Variants in USP7 observed in about 807,000 individuals in gnomAD.
The protein encoded by USP7 is ubiquitin C-terminal hydrolase 7.
A neutral mutation model predicts 162.9 loss-of-function variants in USP7; 9 were observed. The observed-to-expected ratio is 0.06, with a 90% CI of 0.03 to 0.10. The LOEUF (loss-of-function observed/expected upper bound fraction) is 0.10. Ranked by LOEUF, USP7 falls within the 10% of genes least tolerant of loss-of-function variation. The pLI, the probability that USP7 is intolerant of heterozygous loss-of-function variation, is 1.00. For synonymous variants in USP7, 562 were observed against 475.9 expected, an observed-to-expected ratio of 1.18 and a Z score of -2.35; for missense variants, 715 against 1,373.7, an observed-to-expected ratio of 0.52 and a Z score of 7.58.
At chr16:8,936,674 A>G in intron 1 of USP7, 1 of 1,533,358 alleles carries the variant, frequency 6.5e-7, no homozygotes, top group South Asian at 1.2e-5. Context: ...CACCCACATC[A>G]GAGTGACTGC....
intron 1 of USP7, among the ~76,000 whole-genome samples, chr16:8,957,666 G>C (rs1306457444): frequency 6.6e-6 from 1 of 151,750 alleles, no homozygotes; most frequent in African/African-American, 2.4e-5. Flanking sequence ...GCTGAGGTGG[G>C]AGGATCACCT....
intron 1 of USP7, chr16:8,949,762 C>T (rs1249517638): frequency 6.6e-6 from 1 of 152,276 alleles, no homozygotes; most frequent in Non-Finnish European, 1.5e-5. Context: ...TACGCAGAGA[C>T]ACCTTATCAC....
chr16:8,925,856 A>G (rs1897957814), intron 2 of USP7, among the ~76,000 whole-genome samples: 2 of 152,220 alleles, frequency 1.3e-5, no homozygotes, highest in Non-Finnish European at 2.9e-5. Flanking sequence ...TAGCAGAATA[A>G]TTGAAAACTT....
At position 8,900,644 on chromosome 16, in the gene USP7, T is replaced by C. The variant is rs749555917; in HGVS notation, c.2209-14A>G. ...CGGTTTAACTTCCTACAGTGAAAGATATAAAATTGTTACACTGCAAGTTTG... is the reference window on the plus strand; with the variant it reads ...CGGTTTAACTTCCTACAGTGAAAGACATAAAATTGTTACACTGCAAGTTTG... On this transcript the variant is annotated splice_polypyrimidine_tract_variant and intron_variant, in intron 20 of 30. Transcript: ENST00000344836. 10 of 1,581,082 alleles carry C rather than the reference T, an allele frequency of 6.3e-6. No homozygotes were observed. The highest frequency in any genetic ancestry group is 1.3e-5 in the African/African-American group (1 of 74,118).
rs2141242741 is a variant in USP7 at position 8,936,532 on chromosome 16, T to G, written c.80-6135A>C. 3.0e-5 allele frequency: 45 copies of G among 1,486,210 alleles called. 1 individual carries two copies. The South Asian group carries it at 5.9e-4, about 20-fold the overall frequency. The allele number at this position is 1,486,210 out of a possible 1,614,324, so 92.1% of individuals were successfully genotyped here. A position where few individuals can be genotyped will look rare whatever the true frequency, so the allele number is the denominator to read the frequency against. The stretch of plus-strand genomic sequence containing the variant: ...TTGGCTGAGACATGTCAGTATTGGT[T>G]ATCTCCATCCATCACCAGCATAAGG... On this transcript the variant is annotated intron_variant, in intron 1 of 30. Coordinates refer to ENST00000344836, the MANE Select transcript of USP7 (RefSeq NM_003470.3).
chr16:8,919,939 G>C (rs1375723426), intron 5 of USP7, among the ~76,000 whole-genome samples: 2 of 152,052 alleles, frequency 1.3e-5, no homozygotes, highest in African/African-American at 4.8e-5. Context: ...TTTACTCCTC[G>C]CTCACCATGT....
intron 1 of USP7, among the ~76,000 whole-genome samples, chr16:8,959,085 G>A (rs923599551): frequency 6.6e-6 from 1 of 152,132 alleles, no homozygotes; most frequent in South Asian, 2.1e-4. Flanking sequence ...CATCTCCTAT[G>A]CTCCAAATTC....
chr16:8,945,073 G>C (rs867696833), intron 1 of USP7, among the ~76,000 whole-genome samples: 5 of 152,226 alleles, frequency 3.3e-5, no homozygotes, highest in African/African-American at 1.2e-4. Flanking sequence ...CCAAGATGAT[G>C]AAACCCCATC....
At chr16:8,962,959 G>T (rs1194529933) in intron 1 of USP7, 13 of 216,256 alleles carry the variant, frequency 6.0e-5, no homozygotes, top group Non-Finnish European at 1.2e-4. Flanking sequence ...GGCGCTTTGT[G>T]CCGCGGAGGC....
At chr16:8,957,330 A>G (rs1175149075) in intron 1 of USP7, among the ~76,000 whole-genome samples, 1 of 152,238 alleles carries the variant, frequency 6.6e-6, no homozygotes, top group Non-Finnish European at 1.5e-5. Context: ...GACATTTAAC[A>G]TCTAACTCTG....
intron 30 of USP7, 100 bp from the exon 31 acceptor site, chr16:8,894,204 G>A (rs1203141058): frequency 8.7e-7 from 1 of 1,145,930 alleles, no homozygotes; most frequent in East Asian, 2.4e-5. Context: ...GGCTCCCCAA[G>A]GGGTAAGTTC....
At chr16:8,917,784 C>CTT (rs1324918712) in intron 6 of USP7, among the ~76,000 whole-genome samples, 2 of 152,086 alleles carry the variant, frequency 1.3e-5, no homozygotes, top group Non-Finnish European at 2.9e-5. Context: ...AGCACCATTT[C>CTT]TTTTTTTGTT....
At chr16:8,936,284 C>T (rs913852112) in intron 1 of USP7, among the ~76,000 whole-genome samples, 1 of 152,148 alleles carries the variant, frequency 6.6e-6, no homozygotes, top group African/African-American at 2.4e-5. Context: ...GCTCACATGG[C>T]GCCCTACAGC....
chr16:8,923,175 C>T (rs756542003), intron 3 of USP7, 40 bp downstream of exon 3: 15 of 58,272 alleles, frequency 2.6e-4, no homozygotes, highest in Non-Finnish European at 4.4e-4. Flanking sequence ...TTGCACTAGG[C>T]TGATCAAATT....
intron 4 of USP7, 62 bp from the exon 5 acceptor site, chr16:8,920,509 C>G (rs1897626278): frequency 7.2e-7 from 1 of 1,387,102 alleles, no homozygotes; most frequent in Admixed American, 2.1e-5. Context: ...TCCCAAGAGA[C>G]AAATTACATT....
rs1367962000 is a variant in USP7 at position 8,915,352 on chromosome 16, T to C, written c.988-8A>G. 3.1e-6 allele frequency: 5 copies of C among 1,613,122 alleles called. No individual in the cohort carries two copies. In the Admixed American group the frequency reaches 8.4e-5, roughly 27 times the overall value. On this transcript the variant is annotated splice_region_variant and splice_polypyrimidine_tract_variant and intron_variant, in intron 9 of 30. Coordinates refer to ENST00000344836, the MANE Select transcript of USP7 (RefSeq NM_003470.3). ...TTTACACTGGATATAGGACTGCAAA[T>C]AAGGAAAGTAAAAGTGGTTTAACTA...
At chr16:8,936,705 A>T (rs1898754991) in intron 1 of USP7, 1 of 1,441,792 alleles carries the variant, frequency 6.9e-7, no homozygotes, top group Non-Finnish European at 9.1e-7. Context: ...TAGGAGCTCT[A>T]CCTCAGCATT....
chr16:8,929,426 C>G, intron 2 of USP7: 1 of 454,478 alleles, frequency 2.2e-6, no homozygotes, highest in Non-Finnish European at 4.4e-6. Context: ...TGAGAGAACT[C>G]TCAACTACGG....
intron 11 of USP7, among the ~76,000 whole-genome samples, chr16:8,908,851 A>G (rs1368473641): frequency 1.3e-5 from 2 of 152,364 alleles, no homozygotes; most frequent in Middle Eastern, 3.4e-3. Flanking sequence ...GGTTACAATT[A>G]CCCAAGATTA....
Sources: allele counts gnomAD v4.1 joint callset (sites outside exome capture counted in the v4.1 genomes callset), GRCh38; gene constraint gnomAD v4.1.1; transcripts MANE v1.5; gene names NCBI Gene and HGNC (gene_info 2026-07-23, HGNC 2026-07-21).